Variants in TTC34 observed in about 807,000 individuals in gnomAD.
TTC34 encodes tetratricopeptide repeat protein 34.
A neutral mutation model predicts 40.7 loss-of-function variants in TTC34; 44 were observed. That is an observed-to-expected ratio of 1.08 (90% CI 0.85 to 1.39). TTC34 has a LOEUF of 1.39. Ranked by LOEUF, TTC34 falls within the 40% of genes most tolerant of loss-of-function variation. The pLI is 0.00. For missense variants in TTC34, 884 were observed against 838.0 expected, an observed-to-expected ratio of 1.05 and a Z score of -0.68; for synonymous variants, 422 against 398.6, an observed-to-expected ratio of 1.06 and a Z score of -0.70.
intron 6 of TTC34, among the ~76,000 whole-genome samples, chr1:2,652,455 GCATC>G (rs1639176233): frequency 1.4e-5 from 2 of 144,946 alleles, no homozygotes; most frequent in African/African-American, 5.3e-5. Context: ...CCCCAGGTGA[GCATC>G]CGACAGCCTG....
intron 6 of TTC34, among the ~76,000 whole-genome samples, chr1:2,781,284 C>A (rs1325818895): frequency 6.6e-6 from 1 of 152,174 alleles, no homozygotes; most frequent in Non-Finnish European, 1.5e-5. Context: ...GAACCAATCC[C>A]ATGTGTATAC....
chr1:2,755,901 C>A (rs1201195854), intron 6 of TTC34, among the ~76,000 whole-genome samples: 1 of 82,090 alleles, frequency 1.2e-5, no homozygotes, highest in Admixed American at 1.1e-4. Context: ...GCAGCACCCA[C>A]ACCCCCAGGT....
chr1:2,642,685 C>T (rs781279585), intron 8 of TTC34, among the ~76,000 whole-genome samples: 13 of 152,368 alleles, frequency 8.5e-5, no homozygotes, highest in Non-Finnish European at 1.6e-4. Flanking sequence ...AGGTGCAGGC[C>T]CCGCCTTTCT....
intron 6 of TTC34, among the ~76,000 whole-genome samples, chr1:2,676,983 C>A (rs1235477864): frequency 1.9e-5 from 2 of 104,464 alleles, no homozygotes; most frequent in East Asian, 2.8e-4. Context: ...AGGTGAGCAT[C>A]CGACAGCCTG....
intron 6 of TTC34, among the ~76,000 whole-genome samples, chr1:2,756,618 C>A (rs1641514077): frequency 2.6e-5 from 4 of 151,430 alleles, no homozygotes; most frequent in Non-Finnish European, 2.9e-5. Flanking sequence ...CCTGGAACAG[C>A]ACCCACACCC....
At chr1:2,790,994 T>C (rs1643656524) in intron 2 of TTC34, among the ~76,000 whole-genome samples, 1 of 152,182 alleles carries the variant, frequency 6.6e-6, no homozygotes, top group Admixed American at 6.5e-5. Flanking sequence ...TAATGGGTTA[T>C]AATGATCCAC....
At chr1:2,771,423 A>AC (rs1553164352) in intron 6 of TTC34, among the ~76,000 whole-genome samples, 40 of 47,214 alleles carry the variant, frequency 8.5e-4, no homozygotes, top group African/African-American at 1.5e-3. Flanking sequence ...AGAATCTGAC[A>AC]CATAAAACAG....
intron 2 of TTC34, among the ~76,000 whole-genome samples, chr1:2,794,369 C>T (rs1643693466): frequency 6.6e-6 from 1 of 152,148 alleles, no homozygotes; most frequent in African/African-American, 2.4e-5. Flanking sequence ...TCATGTGACT[C>T]TTAGAACTTA....
intron 6 of TTC34, among the ~76,000 whole-genome samples, chr1:2,698,753 G>C (rs1421926352): frequency 2.1e-5 from 3 of 145,386 alleles, no homozygotes; most frequent in African/African-American, 7.6e-5. Flanking sequence ...CGACAGCCTG[G>C]AGCAGGACCC....
intron 6 of TTC34, among the ~76,000 whole-genome samples, chr1:2,752,477 G>T (rs1641354847): frequency 6.8e-6 from 1 of 146,760 alleles, no homozygotes; most frequent in Non-Finnish European, 1.5e-5. Flanking sequence ...TGACAGCCTG[G>T]AACAGCACCC....
intron 4 of TTC34, among the ~76,000 whole-genome samples, chr1:2,786,790 A>T (rs1341271326): frequency 1.3e-5 from 2 of 152,178 alleles, no homozygotes; most frequent in African/African-American, 4.8e-5. Flanking sequence ...CATCCGAAGG[A>T]GGCCCAATGC....
chr1:2,691,302 C>A (rs555037931), intron 6 of TTC34, among the ~76,000 whole-genome samples: 4 of 80,866 alleles, frequency 4.9e-5, no homozygotes, highest in Admixed American at 1.2e-4. Flanking sequence ...GCACCCACAA[C>A]CCCAGGCGAG....
chr1:2,769,689 A>T (rs1217512891), intron 6 of TTC34, among the ~76,000 whole-genome samples: 98 of 136,968 alleles, frequency 7.2e-4, no homozygotes, highest in Non-Finnish European at 1.4e-3. Flanking sequence ...GGAGCATCTG[A>T]CAGTCTGGAG....
intron 5 of TTC34, 151 bp downstream of exon 5, chr1:2,785,668 G>A (rs1643575437): frequency 1.3e-6 from 1 of 799,076 alleles, no homozygotes; most frequent in Non-Finnish European, 1.9e-6. Context: ...CCCTCAGCGA[G>A]TGGCCCTTGC....
exon 3 of TTC34, chr1:2,790,107 G>T (rs1372563343): frequency 2.5e-6 from 1 of 398,204 alleles, no homozygotes; most frequent in Non-Finnish European, 4.4e-6. Context: ...TCCTCGCGGA[G>T]CTCAGGGTGG....
intron 6 of TTC34, among the ~76,000 whole-genome samples, chr1:2,751,912 C>A (rs1298151606): frequency 8.9e-5 from 9 of 101,126 alleles, no homozygotes; most frequent in East Asian, 3.7e-4. Context: ...ATCTGATGGT[C>A]TGGAGCAGCA....
chr1:2,656,362 A>C (rs1450662178), intron 6 of TTC34, among the ~76,000 whole-genome samples: 1 of 107,386 alleles, frequency 9.3e-6, no homozygotes. Flanking sequence ...GACAGCCTGG[A>C]ACAGCACCCA....
exon 9 of TTC34, chr1:2,640,051 G>T (rs1211513540): frequency 3.3e-5 from 5 of 152,412 alleles, no homozygotes; most frequent in African/African-American, 1.2e-4. Flanking sequence ...GAGGCAGGGG[G>T]TCTATCTGTG....
chr1:2,749,486 C>CAA (rs1641247521), intron 6 of TTC34, among the ~76,000 whole-genome samples: 1 of 106,978 alleles, frequency 9.3e-6, no homozygotes, highest in African/African-American at 4.1e-5. Context: ...ACCCACATCC[C>CAA]CAGGTGAGCA....
Sources: allele counts gnomAD v4.1 joint callset (sites outside exome capture counted in the v4.1 genomes callset), GRCh38; gene constraint gnomAD v4.1.1; transcripts MANE v1.5; gene names NCBI Gene and HGNC (gene_info 2026-07-23, HGNC 2026-07-21).